MCM5: variants seen among roughly 807,000 people sequenced by gnomAD.
MCM5 encodes the protein DNA replication licensing factor MCM5.
In MCM5, 46 loss-of-function variants were observed where a neutral mutation model predicts 79.9. That is an observed-to-expected ratio of 0.58 (90% CI 0.45 to 0.74). The LOEUF (loss-of-function observed/expected upper bound fraction) is 0.74. MCM5 is among the 30% of genes least tolerant of loss of function. The pLI is 0.00. For synonymous variants in MCM5, 404 were observed against 390.5 expected, an observed-to-expected ratio of 1.03 and a Z score of -0.41; for missense variants, 883 against 1,017.0, an observed-to-expected ratio of 0.87 and a Z score of 1.79.
chr22:35,448,019 C>T, the MCM5 span, among the ~76,000 whole-genome samples: 1 of 152,204 alleles, frequency 6.6e-6, no homozygotes, highest in South Asian at 2.1e-4. Context: ...AACAACAACG[C>T]CCTTTCCCTG....
the MCM5 span, among the ~76,000 whole-genome samples, chr22:35,441,905 A>G: frequency 6.6e-6 from 1 of 152,222 alleles, no homozygotes; most frequent in Non-Finnish European, 1.5e-5. Flanking sequence ...ATCCAAAGCC[A>G]CAAGCCGGGC....
chr22:35,430,809 C>CTT, the MCM5 span, among the ~76,000 whole-genome samples: 3,623 of 139,182 alleles, frequency 0.026, 88 homozygotes, highest in Middle Eastern at 0.078. Context: ...TGTACCCAGC[C>CTT]TTTTTTTTTT....
intron 4 of MCM5, among the ~76,000 whole-genome samples, chr22:35,406,305 C>CCCCT (rs1259813057): frequency 4.1e-5 from 6 of 144,876 alleles, no homozygotes; most frequent in African/African-American, 7.7e-5. Context: ...CACCTCCCCC[C>CCCCT]CCAATTGTGC....
At position 35,419,960 on chromosome 22, in the gene MCM5, C is replaced by G. The variant is rs767646087; in HGVS notation, c.1780C>G (p.Arg594Gly). 1.2e-5 allele frequency: 19 copies of G among 1,613,018 alleles called. No homozygotes were observed. Among genetic ancestry groups the G allele is most frequent in the Non-Finnish European group, 1.4e-5 (17 of 1,179,684 alleles). Reference protein sequence around the residue: ...NRYIIMRSGARQHERDSDRRS... With the variant: ...NRYIIMRSGAGQHERDSDRRS... ...CTACATCATCATGCGGAGCGGGGCC[C>G]GTCAGCACGAGAGGGACAGTGACCG... Residue 594 changes from arginine to glycine, a missense_variant, in exon 14 of 17, where the codon CGT (arginine) becomes GGT (glycine). By Grantham distance (125) the Arg-to-Gly change is moderately radical. Transcript: ENST00000216122.
chr22:35,420,367 G>A (rs1932665120), intron 14 of MCM5, among the ~76,000 whole-genome samples: 1 of 152,176 alleles, frequency 6.6e-6, no homozygotes, highest in East Asian at 1.9e-4. Context: ...TCCTTCTCTG[G>A]CCCTCAGTGC....
Position 35,423,360 on chromosome 22 carries a change from G to T in MCM5, c.2103+19G>T. 6.3e-7 allele frequency: 1 copy of T among 1,580,574 alleles called. No individual in the cohort carries two copies. The highest frequency in any genetic ancestry group is 8.6e-7 in the Non-Finnish European group (1 of 1,157,682). On this transcript the variant is annotated intron_variant, in intron 16 of 16. Transcript: ENST00000216122. ...CAAGCAGGTGAGCCTGCCTTGGAGT[G>T]GGGGTGTGAGCCGGCACGGGGTGCA...
chr22:35,453,596 G>C, the MCM5 span, among the ~76,000 whole-genome samples: 10 of 151,378 alleles, frequency 6.6e-5, no homozygotes, highest in African/African-American at 2.4e-5. Flanking sequence ...GACAGAGATA[G>C]AGACATAAAT....
In MCM5 at chr22:35,416,963, G is replaced by C. The variant is rs1000848515; in HGVS notation, c.1590+149G>C. 27 of 829,338 alleles carry C rather than the reference G, an allele frequency of 3.3e-5. No homozygotes were observed. In the African/African-American group the frequency reaches 4.1e-4, roughly 12 times the overall value. 51.4% of individuals were successfully genotyped at this position (829,338 alleles called of 1,614,324 possible). The stretch of plus-strand genomic sequence containing the variant: ...TTGGGGAGCACGTGAGAGGGCGGTT[G>C]TTGTGGACTGCAGAGGATTGAAGCA... On this transcript the variant is annotated intron_variant, in intron 12 of 16. Coordinates refer to ENST00000216122, the MANE Select transcript of MCM5 (RefSeq NM_006739.4).
intron 15 of MCM5, 146 bp from the exon 16 acceptor site, chr22:35,423,068 G>T: frequency 1.3e-6 from 1 of 794,214 alleles, no homozygotes; most frequent in Non-Finnish European, 1.9e-6. Flanking sequence ...AATCAGGCCT[G>T]CACCACCCTG....
chr22:35,448,404 A>G, the MCM5 span, among the ~76,000 whole-genome samples: 2 of 151,650 alleles, frequency 1.3e-5, no homozygotes, highest in Non-Finnish European at 2.9e-5. Context: ...CCCCACTGCC[A>G]TCCCTCCCCT....
downstream of MCM5, among the ~76,000 whole-genome samples, chr22:35,427,712 CA>C (rs1218507798): frequency 6.6e-6 from 1 of 151,518 alleles, no homozygotes; most frequent in Non-Finnish European, 1.5e-5. Flanking sequence ...CCACCCCCCA[CA>C]AATGTTTAAT....
chr22:35,432,003 G>A, the MCM5 span, among the ~76,000 whole-genome samples: 1 of 152,202 alleles, frequency 6.6e-6, no homozygotes, highest in Non-Finnish European at 1.5e-5. Context: ...TCATCCGTTT[G>A]TGTCATGGAG....
rs777835375 is a variant in MCM5, at chr22:35,423,283, G to A, written c.2045G>A (p.Arg682His). 7.5e-6 allele frequency: 12 copies of A among 1,608,658 alleles called. No homozygotes were observed. Among genetic ancestry groups the A allele is most frequent in the African/African-American group, 1.3e-5 (1 of 74,776 alleles). ...LSRIEKQLKR[R>H]FAIGSQVSEH... ...CGCATCGAGAAGCAGCTCAAGCGCC[G>A]CTTTGCCATTGGCTCCCAGGTGTCT... The change falls in exon 16 of 17, where the codon CGC (arginine) becomes CAC (histidine). Residue 682 changes from arginine (R) to histidine (H), a missense_variant. Coordinates refer to ENST00000216122, the MANE Select transcript of MCM5 (RefSeq NM_006739.4).
At position 35,421,362 on chromosome 22, in the gene MCM5, T is replaced by C; in HGVS notation, c.1877T>C (p.Met626Thr). 1.2e-6 allele frequency: 2 copies of C among 1,614,052 alleles called. No individual in the cohort carries two copies. Among genetic ancestry groups the C allele is most frequent in the Non-Finnish European group, 1.7e-6 (2 of 1,180,024 alleles). ...CGCATCGCGGAAGCCCTCAGCAAGA[T>C]GAAGCTGCAGCCCTTCGCCACAGAG... ...IVRIAEALSK[M>T]KLQPFATEAD... The change falls in exon 15 of 17, where the codon ATG (methionine) becomes ACG (threonine). Residue 626 changes from methionine to threonine, a missense_variant. Met to Thr is a moderately conservative substitution (Grantham distance 81). Coordinates refer to ENST00000216122, the MANE Select transcript of MCM5 (RefSeq NM_006739.4).
At chr22:35,428,021 C>CTTT (rs133437), downstream of MCM5, among the ~76,000 whole-genome samples, 3 of 132,400 alleles carry the variant, frequency 2.3e-5, 1 homozygote, top group South Asian at 7.0e-4. Context: ...CTCTCTCTCT[C>CTTT]TTTTTTTTTT....
the MCM5 span, among the ~76,000 whole-genome samples, chr22:35,432,589 A>G: frequency 2.0e-5 from 3 of 152,220 alleles, no homozygotes; most frequent in Non-Finnish European, 4.4e-5. Flanking sequence ...CCAGACTCTT[A>G]ACACCAGCCC....
chr22:35,423,990 T>TC, intron 16 of MCM5, 164 bp from the exon 17 acceptor site: 1 of 566,846 alleles, frequency 1.8e-6, no homozygotes, highest in South Asian at 2.2e-5. Context: ...TGGCTTAGCC[T>TC]CCGTGTGCCT....
the MCM5 span, among the ~76,000 whole-genome samples, chr22:35,443,440 C>T: frequency 3.3e-5 from 5 of 152,192 alleles, no homozygotes; most frequent in South Asian, 2.1e-4. Flanking sequence ...CCTTCCCCCT[C>T]GGCCTCCTAA....
intron 4 of MCM5, among the ~76,000 whole-genome samples, chr22:35,405,074 G>A (rs1206580812): frequency 7.0e-6 from 1 of 142,278 alleles, no homozygotes; most frequent in Non-Finnish European, 1.5e-5. Context: ...TGCCCAGGCT[G>A]GAGTGCAGTG....
Sources: allele counts gnomAD v4.1 joint callset (sites outside exome capture counted in the v4.1 genomes callset), GRCh38; gene constraint gnomAD v4.1.1; transcripts MANE v1.5; gene names NCBI Gene and HGNC (gene_info 2026-07-23, HGNC 2026-07-21).